The following PRDM16 variants were observed in gnomAD, a reference collection of about 807,000 sequenced individuals.
PRDM16 encodes the protein PR/SET domain 16.
A neutral mutation model predicts 110.6 loss-of-function variants in PRDM16; 23 were observed. The ratio of observed to expected loss-of-function variants is 0.21; its 90% CI spans 0.15 to 0.29. The LOEUF is 0.29. Ranked by LOEUF, PRDM16 falls within the 10% of genes least tolerant of loss-of-function variation. The pLI, the probability that PRDM16 is intolerant of heterozygous loss-of-function variation, is 1.00. For synonymous variants in PRDM16, 799 were observed against 781.8 expected (o/e 1.02, Z -0.37); for missense variants, 1,615 against 1,794.3 (o/e 0.90, Z 1.81).
At chr1:3,162,224 C>T (rs1643904273) in intron 1 of PRDM16, among the ~76,000 whole-genome samples, 2 of 152,326 alleles carry the variant, frequency 1.3e-5, no homozygotes, top group African/African-American at 4.8e-5. Context: ...TTCCCGTCAC[C>T]CCCCAGGAAA....
chr1:3,296,138 C>T (rs527873007), intron 3 of PRDM16, among the ~76,000 whole-genome samples: 16 of 152,314 alleles, frequency 1.1e-4, no homozygotes, highest in South Asian at 2.1e-4. Flanking sequence ...CACTTCCTTA[C>T]GTTCCGGAAC....
intron 2 of PRDM16, among the ~76,000 whole-genome samples, chr1:3,196,934 G>A (rs1311480163): frequency 2.0e-5 from 3 of 152,182 alleles, no homozygotes; most frequent in East Asian, 1.9e-4. Context: ...GCGAAGAGGC[G>A]GGTGCCTGGG....
Position 3,411,539 on chromosome 1 carries a change from A to G in PRDM16, c.1342A>G (p.Lys448Glu), listed in dbSNP as rs1403464335. ...LNKHRRFCEG[K>E]NHYTPGGIFA... ...CAAGCACCGGCGCTTCTGCGAGGGCAAGAACCATTACACGCCGGGCGGCAT... is the reference window on the plus strand; with the variant it reads ...CAAGCACCGGCGCTTCTGCGAGGGCGAGAACCATTACACGCCGGGCGGCAT... Residue 448 changes from lysine to glutamate, a missense_variant, in exon 9 of 17, where the codon AAG (lysine) becomes GAG (glutamate). Lys to Glu is a moderately conservative substitution (Grantham distance 56). Coordinates refer to ENST00000270722, the MANE Select transcript of PRDM16 (RefSeq NM_022114.4). 6.2e-7 allele frequency: 1 copy of G among 1,614,060 alleles called. No individual in the cohort carries two copies. The highest frequency in any genetic ancestry group is 2.2e-5 in the East Asian group (1 of 44,890).
intron 3 of PRDM16, among the ~76,000 whole-genome samples, chr1:3,375,891 G>C (rs192366575): frequency 6.6e-6 from 1 of 152,372 alleles, no homozygotes; most frequent in East Asian, 1.9e-4. Context: ...GAATAGGAAG[G>C]AAGGGGAGGA....
intron 1 of PRDM16, among the ~76,000 whole-genome samples, chr1:3,130,989 G>A (rs1047787534): frequency 5.9e-5 from 9 of 151,984 alleles, no homozygotes; most frequent in Non-Finnish European, 1.2e-4. Context: ...AACCTGACCC[G>A]TCCGTGTTTA....
intron 1 of PRDM16, among the ~76,000 whole-genome samples, chr1:3,181,294 GCAGTCTTACACA>G (rs1389712111): frequency 9.1e-5 from 6 of 66,096 alleles, no homozygotes; most frequent in East Asian, 7.6e-4. Context: ...TCTTACACAC[GCAGTCTTACACA>G]CGGTCTTACA....
intron 3 of PRDM16, among the ~76,000 whole-genome samples, chr1:3,381,219 A>C (rs1643096218): frequency 6.6e-6 from 1 of 151,950 alleles, no homozygotes; most frequent in Admixed American, 6.6e-5. Flanking sequence ...CCCCACATAC[A>C]TTTGCACCAT....
intron 3 of PRDM16, among the ~76,000 whole-genome samples, chr1:3,330,479 C>T (rs965268752): frequency 6.6e-6 from 1 of 152,224 alleles, no homozygotes; most frequent in East Asian, 1.9e-4. Context: ...GGCGCCCATT[C>T]TCTTCTGCTC....
chr1:3,394,772 A>G (rs1643360446), intron 4 of PRDM16, among the ~76,000 whole-genome samples: 1 of 151,948 alleles, frequency 6.6e-6, no homozygotes, highest in Non-Finnish European at 1.5e-5. Flanking sequence ...CTCATCCCGC[A>G]CTTTGGGCCC....
At chr1:3,319,888 C>T (rs1275301191) in intron 3 of PRDM16, among the ~76,000 whole-genome samples, 1 of 152,212 alleles carries the variant, frequency 6.6e-6, no homozygotes, top group Non-Finnish European at 1.5e-5. Flanking sequence ...TTAGACAAGC[C>T]AGGACCAGCC....
intron 1 of PRDM16, among the ~76,000 whole-genome samples, chr1:3,105,039 G>A (rs1278016686): frequency 6.6e-6 from 1 of 152,118 alleles, no homozygotes; most frequent in African/African-American, 2.4e-5. Flanking sequence ...GGAAGGTGCT[G>A]GAGAGGAGCG....
chr1:3,394,918 A>G (rs911663372), intron 4 of PRDM16, among the ~76,000 whole-genome samples: 2 of 151,638 alleles, frequency 1.3e-5, no homozygotes, highest in Non-Finnish European at 2.9e-5. Flanking sequence ...AGAAGTTACC[A>G]TGGGCCAGTT....
intron 2 of PRDM16, among the ~76,000 whole-genome samples, chr1:3,214,333 C>G (rs1638970420): frequency 6.6e-6 from 1 of 152,136 alleles, no homozygotes; most frequent in South Asian, 2.1e-4. Flanking sequence ...TGCTAGGCGA[C>G]CCAGGGCGAT....
In PRDM16 at chr1:3,080,849, G is replaced by T. The variant is rs991085248; in HGVS notation, c.37+11553G>T. Among the ~76,000 whole-genome samples the T allele has an allele frequency of 6.6e-6, 1 of 152,134 alleles. No individual in the cohort carries two copies. Among genetic ancestry groups the T allele is most frequent in the Non-Finnish European group, 1.5e-5 (1 of 68,028 alleles). On this transcript the variant is annotated intron_variant, in intron 1 of 16. Transcript: ENST00000270722. This position sits in a 1 kb window ranked among gnomAD's most constrained non-coding sequence, Gnocchi z 5.2. ...TATCTCAGAGCCCCAGAGACTCGGC[G>T]TCTCCGACCCTGAGCCCACATGAGT...
chr1:3,221,256 C>T (rs1044216329), intron 2 of PRDM16, among the ~76,000 whole-genome samples: 1 of 152,242 alleles, frequency 6.6e-6, no homozygotes, highest in African/African-American at 2.4e-5. Flanking sequence ...ACTAAGAGAG[C>T]AGAAGACTGG....
intron 1 of PRDM16, among the ~76,000 whole-genome samples, chr1:3,181,749 TACAC>T (rs1411305005): frequency 0.014 from 1,905 of 132,454 alleles, 113 homozygotes; most frequent in Admixed American, 0.021. Context: ...CACGGAGTCT[TACAC>T]ACGGTCTTAC....
chr1:3,417,937 C>G lies in PRDM16; in HGVS notation c.2801C>G (p.Ser934Cys). The change falls in exon 11 of 17, where the codon TCC becomes TGC. Residue 934 changes from serine to cysteine, a missense_variant. By Grantham distance (112) the Ser-to-Cys change is moderately radical. Around this residue, in one of 5 missense-constraint regions of PRDM16, gnomAD observed 772 missense variants for 748.3 expected, o/e 1.03. Coordinates refer to ENST00000270722, the MANE Select transcript of PRDM16 (RefSeq NM_022114.4). The stretch of plus-strand genomic sequence containing the variant: ...CCCCACCACCCCTTCAACTTCCGGT[C>G]CCCACCCCCAACGCTCTCCGACCCC... ...PLPHHPFNFR[S>C]PPPTLSDPIL... 2 of 1,567,010 alleles carry G rather than the reference C, an allele frequency of 1.3e-6. No individual in the cohort carries two copies. The highest frequency in any genetic ancestry group is 1.7e-6 in the Non-Finnish European group (2 of 1,148,580).
At chr1:3,146,891 G>A in intron 1 of PRDM16, among the ~76,000 whole-genome samples, 1 of 105,866 alleles carries the variant, frequency 9.4e-6, no homozygotes, top group African/African-American at 4.2e-5. Context: ...TGTGGGGTGT[G>A]TGTGCATGTG....
Position 3,244,033 on chromosome 1 carries a change from A to C in PRDM16, c.388-54A>C. ...GCCCCCACCATTTAGAACCCAGTGT[A>C]GCTTGAGAATGTTTTATCAGAAACT... On this transcript the variant is annotated intron_variant, in intron 2 of 16. Transcript: ENST00000270722. This position sits in a 1 kb window ranked among gnomAD's most constrained non-coding sequence, Gnocchi z 4.1. 6.3e-7 allele frequency: 1 copy of C among 1,577,178 alleles called. No homozygotes were observed. Among genetic ancestry groups the C allele is most frequent in the Non-Finnish European group, 8.7e-7 (1 of 1,146,432 alleles).
Sources: gnomAD v4.1 joint callset for allele counts (sites outside exome capture counted in the v4.1 genomes callset) on GRCh38, gnomAD v4.1.1 for gene constraint, gnomAD v4.1.1 regional missense constraint, Gnocchi (gnomAD v3.1) non-coding constraint, MANE v1.5 for transcripts, NCBI Gene and HGNC (gene_info 2026-07-23, HGNC 2026-07-21) for gene names.